TMEM232: variants seen among roughly 807,000 people sequenced by gnomAD.
TMEM232 encodes the protein transmembrane protein 232.
In TMEM232, 80 loss-of-function variants were observed where a neutral mutation model predicts 78.8. The ratio of observed to expected loss-of-function variants is 1.01; its 90% CI spans 0.85 to 1.22. The LOEUF (loss-of-function observed/expected upper bound fraction) is 1.22, where lower values mean the gene tolerates loss of function less well. Ranked by LOEUF, TMEM232 falls within the 50% of genes most tolerant of loss-of-function variation. TMEM232 has a pLI of 0.00. For missense variants in TMEM232, 881 were observed against 742.2 expected (o/e 1.19, Z -2.17); for synonymous variants, 297 against 254.3 (o/e 1.17, Z -1.60).
intron 12 of TMEM232, among the ~76,000 whole-genome samples, chr5:110,461,202 G>C (rs577281221): frequency 1.3e-5 from 2 of 151,764 alleles, no homozygotes; most frequent in Non-Finnish European, 2.9e-5. Context: ...GCAAAAAAAA[G>C]AATCGTTATT....
intron 11 of TMEM232, among the ~76,000 whole-genome samples, chr5:110,558,626 T>C (rs1194923201): frequency 2.0e-5 from 3 of 152,050 alleles, no homozygotes; most frequent in African/African-American, 4.8e-5. Flanking sequence ...ACAGGTAAGA[T>C]AGCCCTGTTC....
At chr5:110,714,056 T>C (rs562353133) in intron 1 of TMEM232, among the ~76,000 whole-genome samples, 6 of 152,228 alleles carry the variant, frequency 3.9e-5, no homozygotes, top group African/African-American at 1.4e-4. Context: ...TGCAATACTT[T>C]CTAAGGACAG....
chr5:110,635,198 C>A (rs1785633926), intron 5 of TMEM232, among the ~76,000 whole-genome samples: 1 of 151,730 alleles, frequency 6.6e-6, no homozygotes, highest in South Asian at 2.1e-4. Flanking sequence ...CAAAAAGATT[C>A]CCCCAAAAAA....
chr5:110,566,162 CTT>C (rs1269303132), intron 11 of TMEM232, among the ~76,000 whole-genome samples: 3 of 151,738 alleles, frequency 2.0e-5, no homozygotes, highest in Non-Finnish European at 4.4e-5. Context: ...CAGTTCTATG[CTT>C]TTTATAGTCT....
At chr5:110,711,538 A>G (rs1796477667) in intron 1 of TMEM232, among the ~76,000 whole-genome samples, 1 of 152,194 alleles carries the variant, frequency 6.6e-6, no homozygotes, top group Non-Finnish European at 1.5e-5. Context: ...ATATACTTCA[A>G]ATTATACTAT....
chr5:110,505,865 ATTTCC>A (rs753291191), intron 12 of TMEM232, among the ~76,000 whole-genome samples: 9 of 152,092 alleles, frequency 5.9e-5, no homozygotes, highest in African/African-American at 9.7e-5. Flanking sequence ...ATGCTTCTTT[ATTTCC>A]TTTCTTTTTT....
intron 12 of TMEM232, among the ~76,000 whole-genome samples, chr5:110,442,578 C>G (rs1759183829): frequency 6.6e-6 from 1 of 152,056 alleles, no homozygotes; most frequent in Admixed American, 6.6e-5. Flanking sequence ...TTTTAGTTCT[C>G]TGTCTGAAAG....
At chr5:110,412,116 A>T (rs1344759088) in intron 2 of TMEM232, among the ~76,000 whole-genome samples, 1 of 152,170 alleles carries the variant, frequency 6.6e-6, no homozygotes, top group Admixed American at 6.5e-5. Context: ...AAATCCACTC[A>T]GTTTTCAAGG....
intron 11 of TMEM232, among the ~76,000 whole-genome samples, chr5:110,542,291 C>T (rs569767637): frequency 1.7e-3 from 260 of 152,216 alleles, no homozygotes; most frequent in African/African-American, 5.8e-3. Context: ...TGGATGGAAC[C>T]ACTTCCTTTG....
chr5:110,618,396 T>C, intron 8 of TMEM232, 33 bp downstream of exon 8: 1 of 1,546,314 alleles, frequency 6.5e-7, no homozygotes, highest in Non-Finnish European at 8.7e-7. Context: ...GATTTCTCCA[T>C]GAGTTACTTT....
rs185922258 is a variant in TMEM232 at position 110,603,283 on chromosome 5, G to A, written c.1276+1826C>T. On this transcript the variant is annotated intron_variant, in intron 10 of 13. Transcript: ENST00000455884. The stretch of plus-strand genomic sequence containing the variant: ...CTGCAAGTTCTACACATGTATCCCA[G>A]AACTTAAAGTATAATAATACATAAA... Among the ~76,000 whole-genome samples, 10 of 152,188 alleles carry A rather than the reference G, an allele frequency of 6.6e-5. 1 individual carries two copies. Among genetic ancestry groups the A allele is most frequent in the East Asian group, 5.8e-4 (3 of 5,178 alleles).
At chr5:110,690,500 A>C (rs1793985778) in intron 1 of TMEM232, among the ~76,000 whole-genome samples, 1 of 152,218 alleles carries the variant, frequency 6.6e-6, no homozygotes, top group Admixed American at 6.5e-5. Flanking sequence ...ATGTGGAGAA[A>C]TAGGAACGCT....
At chr5:110,451,842 TTAATA>T (rs1371186516) in intron 12 of TMEM232, among the ~76,000 whole-genome samples, 1 of 151,988 alleles carries the variant, frequency 6.6e-6, no homozygotes, top group Non-Finnish European at 1.5e-5. Flanking sequence ...CTCAATAAAT[TTAATA>T]TATTTTAAGT....
intron 3 of TMEM232, among the ~76,000 whole-genome samples, chr5:110,394,511 C>G (rs545755172): frequency 7.2e-5 from 11 of 152,304 alleles, no homozygotes; most frequent in African/African-American, 2.6e-4. Flanking sequence ...AACTTCCAAG[C>G]TGTTCTCCAT....
chr5:110,416,033 T>C (rs1451373525), downstream of TMEM232, among the ~76,000 whole-genome samples: 1 of 152,228 alleles, frequency 6.6e-6, no homozygotes, highest in African/African-American at 2.4e-5. Flanking sequence ...TTGAAATCTG[T>C]GTCACCATGA....
chr5:110,538,367 C>T (rs1772668484), intron 11 of TMEM232, among the ~76,000 whole-genome samples: 1 of 151,986 alleles, frequency 6.6e-6, no homozygotes, highest in Admixed American at 6.6e-5. Flanking sequence ...TGGTGTATAA[C>T]AATTGTGACC....
At chr5:110,598,377 C>T (rs1446429089) in intron 10 of TMEM232, among the ~76,000 whole-genome samples, 2 of 152,088 alleles carry the variant, frequency 1.3e-5, no homozygotes, top group African/African-American at 4.8e-5. Flanking sequence ...GCTGGAGAGG[C>T]TGTGAAGAAA....
At chr5:110,554,554 G>C (rs1774850162) in intron 11 of TMEM232, among the ~76,000 whole-genome samples, 1 of 152,058 alleles carries the variant, frequency 6.6e-6, no homozygotes, top group South Asian at 2.1e-4. Context: ...TGATGTGCTA[G>C]GATTGTATTT....
At position 110,393,631 on chromosome 5, in the gene TMEM232, A is replaced by G. The variant is rs191491675; in HGVS notation, n.391-2991T>C. ...ACCATTTATCCTTTCTTTGTCTTAC[A>G]TACAATCCAATTATACTCTTAGGTT... is the stretch of plus-strand genomic sequence containing the variant. On this transcript the variant is annotated intron_variant and non_coding_transcript_variant, in intron 3 of 8. Coordinates refer to the TMEM232 transcript ENST00000507188. 1.1e-3 allele frequency among the ~76,000 whole-genome samples: 168 copies of G among 152,254 alleles called. 1 individual carries two copies. Among genetic ancestry groups the G allele is most frequent in the African/African-American group, 4.0e-3 (165 of 41,548 alleles).
Sources: allele counts gnomAD v4.1 joint callset (sites outside exome capture counted in the v4.1 genomes callset), GRCh38; gene constraint gnomAD v4.1.1; transcripts MANE v1.5; gene names NCBI Gene and HGNC (gene_info 2026-07-23, HGNC 2026-07-21).